Variants in TRHDE observed in about 807,000 individuals in gnomAD.
The protein encoded by TRHDE is thyrotropin releasing hormone degrading enzyme.
In TRHDE, 72 loss-of-function variants were observed where a neutral mutation model predicts 125.7. The ratio of observed to expected loss-of-function variants is 0.57; its 90% CI spans 0.47 to 0.70. The LOEUF is 0.70. Among genes scored for constraint, TRHDE ranks in the 30% least tolerant of loss-of-function variants. The probability of loss-of-function intolerance (pLI) is 0.00; values close to 1 mark genes in which losing one functional copy is unlikely to be tolerated. For missense variants in TRHDE, 1,110 were observed against 1,327.1 expected, an observed-to-expected ratio of 0.84 and a Z score of 2.54; for synonymous variants, 509 against 509.1, an observed-to-expected ratio of 1.00 and a Z score of 0.00.
intron 15 of TRHDE, among the ~76,000 whole-genome samples, chr12:72,637,279 G>C (rs1466483901): frequency 1.3e-5 from 2 of 152,160 alleles, no homozygotes; most frequent in Non-Finnish European, 2.9e-5. Flanking sequence ...AGATTTTCTA[G>C]TTTATTTGCA....
intron 1 of TRHDE, among the ~76,000 whole-genome samples, chr12:72,094,723 T>C (rs1874872534): frequency 6.6e-6 from 1 of 152,220 alleles, no homozygotes; most frequent in African/African-American, 2.4e-5. Flanking sequence ...GGTGGCCAGA[T>C]CAAGGCCAAA....
chr12:72,513,278 T>C (rs1297742544), intron 6 of TRHDE, among the ~76,000 whole-genome samples: 2 of 152,146 alleles, frequency 1.3e-5, no homozygotes, highest in African/African-American at 4.8e-5. Flanking sequence ...CAATCAGAGT[T>C]TCAGCTTCAA....
intron 2 of TRHDE, among the ~76,000 whole-genome samples, chr12:72,328,282 T>A (rs1231866855): frequency 1.3e-5 from 2 of 152,230 alleles, no homozygotes; most frequent in Non-Finnish European, 2.9e-5. Flanking sequence ...AAACAGAAGC[T>A]GAGTGTTACA....
chr12:72,304,872 A>AT (rs1868316756), intron 2 of TRHDE, among the ~76,000 whole-genome samples: 1 of 152,200 alleles, frequency 6.6e-6, no homozygotes, highest in Admixed American at 6.5e-5. Context: ...AATTCATAGC[A>AT]TGCTGATGTC....
chr12:72,580,927 G>A (rs578003391), intron 12 of TRHDE, among the ~76,000 whole-genome samples: 1 of 152,226 alleles, frequency 6.6e-6, no homozygotes, highest in South Asian at 2.1e-4. Context: ...GCATTAAGGA[G>A]TAAAGAATTA....
At chr12:72,135,549 G>T (rs1407875527) in intron 2 of TRHDE, among the ~76,000 whole-genome samples, 4 of 140,436 alleles carry the variant, frequency 2.8e-5, no homozygotes, top group Admixed American at 7.2e-5. Flanking sequence ...GTGTAAACAT[G>T]TTTTTTTTTT....
At position 72,568,597 on chromosome 12, in the gene TRHDE, T is replaced by C; in HGVS notation, c.2072T>C (p.Val691Ala). The C allele has an allele frequency of 2.5e-6, 4 of 1,612,172 alleles. No individual in the cohort carries two copies. Among genetic ancestry groups the C allele is most frequent in the Non-Finnish European group, 3.4e-6 (4 of 1,178,742 alleles). Residue 691 changes from valine (V) to alanine (A), a missense_variant, in exon 10 of 19, where the codon GTG becomes GCG. Coordinates refer to ENST00000261180, the MANE Select transcript of TRHDE (RefSeq NM_013381.3). ...SYLWQIPLTI[V>A]VGNRSHVSSE... is the part of the protein sequence containing the mutation. Reference sequence around the variant, plus strand: ...CTGTGGCAGATTCCATTAACTATTGTGGTAGGAAATAGAAGCCATGTGTCT... The same window carrying C: ...CTGTGGCAGATTCCATTAACTATTGCGGTAGGAAATAGAAGCCATGTGTCT...
intron 18 of TRHDE, among the ~76,000 whole-genome samples, chr12:72,658,177 G>A (rs1046348776): frequency 6.6e-6 from 1 of 152,000 alleles, no homozygotes; most frequent in Non-Finnish European, 1.5e-5. Flanking sequence ...GAAAGCCCCA[G>A]AACATATTTT....
chr12:72,522,595 T>C (rs1868267969), intron 6 of TRHDE, among the ~76,000 whole-genome samples: 1 of 152,220 alleles, frequency 6.6e-6, no homozygotes, highest in Non-Finnish European at 1.5e-5. Context: ...TAAACATGGC[T>C]CTGTGCTATG....
At chr12:72,249,118 T>C (rs1878631846) in intron 2 of TRHDE, among the ~76,000 whole-genome samples, 1 of 152,048 alleles carries the variant, frequency 6.6e-6, no homozygotes, top group East Asian at 1.9e-4. Context: ...TAGGAGAAAA[T>C]CTTCATGACG....
chr12:72,501,308 A>G (rs1026378475), intron 6 of TRHDE, among the ~76,000 whole-genome samples: 3 of 152,090 alleles, frequency 2.0e-5, no homozygotes, highest in African/African-American at 7.2e-5. Context: ...TTTATCCATT[A>G]GGTATGATGT....
chr12:72,384,994 A>G (rs547612067), intron 3 of TRHDE, among the ~76,000 whole-genome samples: 1 of 152,082 alleles, frequency 6.6e-6, no homozygotes, highest in Non-Finnish European at 1.5e-5. Context: ...ATGTAATACT[A>G]TCTTGATCTT....
At chr12:72,116,504 A>G (rs533642340) in intron 2 of TRHDE, among the ~76,000 whole-genome samples, 36 of 152,242 alleles carry the variant, frequency 2.4e-4, no homozygotes, top group African/African-American at 8.2e-4. Context: ...CTATTTCTCC[A>G]TATCTTCCCC....
chr12:72,132,164 C>A (rs113890121), intron 2 of TRHDE, among the ~76,000 whole-genome samples: 16 of 152,128 alleles, frequency 1.1e-4, no homozygotes. Flanking sequence ...TTGCAGCCTG[C>A]GCTACCTTAA....
intron 5 of TRHDE, among the ~76,000 whole-genome samples, chr12:72,478,471 G>A (rs1224276325): frequency 6.6e-6 from 1 of 152,026 alleles, no homozygotes; most frequent in Admixed American, 6.6e-5. Context: ...TAGCCGATTT[G>A]CTCAGCAAGC....
intron 2 of TRHDE, among the ~76,000 whole-genome samples, chr12:72,184,855 T>A (rs982253677): frequency 6.6e-6 from 1 of 152,148 alleles, no homozygotes; most frequent in African/African-American, 2.4e-5. Context: ...CCTCAGTAAT[T>A]TTGAGAGGTG....
intron 2 of TRHDE, among the ~76,000 whole-genome samples, chr12:72,135,056 A>G (rs1875950640): frequency 6.6e-6 from 1 of 152,160 alleles, no homozygotes; most frequent in African/African-American, 2.4e-5. Flanking sequence ...AAAAGAAAAG[A>G]CAAGGATGTG....
In TRHDE at chr12:72,469,920, A is replaced by G. The variant is rs1173689241; in HGVS notation, c.1470+8A>G. On this transcript the variant is annotated splice_region_variant and intron_variant, in intron 4 of 18. Transcript: ENST00000261180. ...CATGAGATATGTCACCAGGTATGAG[A>G]AAAAGAATCAGGTGTAAGTATAATG... 6.2e-7 allele frequency: 1 copy of G among 1,613,158 alleles called. No homozygotes were observed. The highest frequency in any genetic ancestry group is 1.1e-5 in the South Asian group (1 of 90,992).
chr12:72,402,596 C>T (rs7137940), intron 3 of TRHDE, among the ~76,000 whole-genome samples: 9,375 of 152,168 alleles, frequency 0.062, 604 homozygotes, highest in African/African-American at 0.15. Flanking sequence ...TCAGGGCCCA[C>T]CCTAATGATA....
Sources: gnomAD v4.1 joint callset for allele counts (sites outside exome capture counted in the v4.1 genomes callset) on GRCh38, gnomAD v4.1.1 for gene constraint, MANE v1.5 for transcripts, NCBI Gene and HGNC (gene_info 2026-07-23, HGNC 2026-07-21) for gene names.